PRKCB: variants seen among roughly 807,000 people sequenced by gnomAD.
PRKCB encodes protein kinase C beta.
In PRKCB, 13 loss-of-function variants were observed where a neutral mutation model predicts 81.5. The observed-to-expected ratio is 0.16, with a 90% CI of 0.10 to 0.25. PRKCB has a LOEUF of 0.25. PRKCB is among the 10% of genes least tolerant of loss of function. PRKCB has a pLI of 1.00. For missense variants in PRKCB, 509 were observed against 875.7 expected (o/e 0.58, Z 5.29); for synonymous variants, 335 against 321.4 (o/e 1.04, Z -0.45).
intron 5 of PRKCB, among the ~76,000 whole-genome samples, chr16:24,041,996 A>AG (rs1017394273): frequency 5.5e-5 from 8 of 146,250 alleles, no homozygotes; most frequent in Admixed American, 5.2e-4. Context: ...AAAAAAAAAA[A>AG]AAAAAGAATT....
chr16:24,158,600 G>A (rs866040327), intron 10 of PRKCB, among the ~76,000 whole-genome samples: 15 of 139,292 alleles, frequency 1.1e-4, no homozygotes, highest in East Asian at 2.2e-4. Context: ...GTATATGTGT[G>A]TGTATGTGTG....
At chr16:24,031,458 G>A (rs1414001643) in intron 3 of PRKCB, among the ~76,000 whole-genome samples, 2 of 152,200 alleles carry the variant, frequency 1.3e-5, no homozygotes, top group Non-Finnish European at 1.5e-5. Flanking sequence ...TGGCCCTGGA[G>A]CACACACATC....
chr16:24,154,422 G>A (rs182743862), intron 9 of PRKCB, among the ~76,000 whole-genome samples: 13 of 152,300 alleles, frequency 8.5e-5, no homozygotes, highest in East Asian at 7.7e-4. Context: ...TTTCGAGTCC[G>A]CAGTGAGCTA....
intron 2 of PRKCB, among the ~76,000 whole-genome samples, chr16:23,875,929 C>T (rs1188781485): frequency 6.6e-6 from 1 of 152,174 alleles, no homozygotes; most frequent in East Asian, 1.9e-4. Context: ...TCCTTCATGG[C>T]ACCAGGGCTA....
chr16:24,118,557 G>A (rs1190463045), intron 8 of PRKCB, among the ~76,000 whole-genome samples: 1 of 152,148 alleles, frequency 6.6e-6, no homozygotes, highest in Non-Finnish European at 1.5e-5. Flanking sequence ...TGCAGTTTTA[G>A]CCAGGACAGG....
intron 2 of PRKCB, among the ~76,000 whole-genome samples, chr16:23,925,235 T>C (rs558516461): frequency 1.3e-5 from 2 of 152,052 alleles, no homozygotes; most frequent in African/African-American, 2.4e-5. Flanking sequence ...TCTTGGCTAT[T>C]TCTTCCTGTA....
At chr16:24,172,154 G>A in intron 10 of PRKCB, 116 bp from the exon 11 acceptor site, 1 of 732,366 alleles carries the variant, frequency 1.4e-6, no homozygotes, top group Non-Finnish European at 2.4e-6. Flanking sequence ...AGCAAACAGG[G>A]ATCTGTCAGA....
intron 2 of PRKCB, among the ~76,000 whole-genome samples, chr16:23,899,137 A>G (rs1963425334): frequency 6.6e-6 from 1 of 152,172 alleles, no homozygotes; most frequent in African/African-American, 2.4e-5. Context: ...GAACTCTTGG[A>G]AGTCTGCTAT....
chr16:24,057,358 C>T (rs1238889840), intron 5 of PRKCB, among the ~76,000 whole-genome samples: 1 of 152,110 alleles, frequency 6.6e-6, no homozygotes, highest in Non-Finnish European at 1.5e-5. Context: ...CGCTAGGGAG[C>T]GATGGGATTT....
intron 3 of PRKCB, among the ~76,000 whole-genome samples, chr16:24,012,524 A>C (rs1310330968): frequency 6.6e-6 from 1 of 152,152 alleles, no homozygotes; most frequent in East Asian, 1.9e-4. Context: ...TCACTGGCCT[A>C]CCCTTTCCAC....
intron 2 of PRKCB, among the ~76,000 whole-genome samples, chr16:23,862,742 A>G (rs193263691): frequency 2.2e-4 from 34 of 152,226 alleles, no homozygotes; most frequent in Non-Finnish European, 4.0e-4. Context: ...CATTTCCCCA[A>G]TTGTCAGAGG....
chr16:23,857,213 G>T (rs998473807), intron 2 of PRKCB, among the ~76,000 whole-genome samples: 3 of 152,192 alleles, frequency 2.0e-5, no homozygotes, highest in African/African-American at 7.2e-5. Flanking sequence ...GAACTGCCTG[G>T]CCTGACCTGT....
In PRKCB at chr16:23,972,269, A is replaced by G. The variant is rs540813696; in HGVS notation, c.206-16239A>G. ...TCTACCACAGGCTGGGGGTGTGTAC[A>G]GGGAAACTTTTTAGGTGGTGCCCAT... On this transcript the variant is annotated intron_variant, in intron 2 of 16. Transcript: ENST00000643927. 3.9e-5 allele frequency among the ~76,000 whole-genome samples: 6 copies of G among 152,322 alleles called. No individual in the cohort carries two copies. The South Asian group carries it at 1.2e-3, about 32-fold the overall frequency.
At chr16:24,012,492 G>A (rs1965216955) in intron 3 of PRKCB, among the ~76,000 whole-genome samples, 1 of 152,200 alleles carries the variant, frequency 6.6e-6, no homozygotes, top group Non-Finnish European at 1.5e-5. Context: ...CTCTGGTCCT[G>A]TCTCCCTGCT....
intron 2 of PRKCB, among the ~76,000 whole-genome samples, chr16:23,975,059 C>T (rs1318004663): frequency 2.0e-5 from 3 of 152,198 alleles, no homozygotes; most frequent in Non-Finnish European, 4.4e-5. Flanking sequence ...AACAACATTC[C>T]AGCTACCAGA....
chr16:23,877,907 C>T (rs1289250622), intron 2 of PRKCB, among the ~76,000 whole-genome samples: 1 of 151,784 alleles, frequency 6.6e-6, no homozygotes, highest in Non-Finnish European at 1.5e-5. Flanking sequence ...GATCTCGGCT[C>T]ACCGCAACCT....
intron 10 of PRKCB, among the ~76,000 whole-genome samples, chr16:24,158,882 A>G (rs1967210563): frequency 1.3e-5 from 2 of 152,212 alleles, no homozygotes; most frequent in East Asian, 3.9e-4. Flanking sequence ...GCTGGTCTCA[A>G]TCTTCTAGGC....
chr16:24,160,198 T>G (rs1317710254), intron 10 of PRKCB, among the ~76,000 whole-genome samples: 3 of 150,738 alleles, frequency 2.0e-5, no homozygotes, highest in South Asian at 2.1e-4. Flanking sequence ...GTGTTTTTTT[T>G]TTTTTTTTTT....
chr16:23,978,681 G>A (rs1964655339), intron 2 of PRKCB, among the ~76,000 whole-genome samples: 1 of 152,106 alleles, frequency 6.6e-6, no homozygotes, highest in South Asian at 2.1e-4. Context: ...GTTAGATGGT[G>A]GGGTATACTG....
Sources: allele counts gnomAD v4.1 joint callset (sites outside exome capture counted in the v4.1 genomes callset), GRCh38; gene constraint gnomAD v4.1.1; transcripts MANE v1.5; gene names NCBI Gene and HGNC (gene_info 2026-07-23, HGNC 2026-07-21).